The following OLIG3 variants were observed in gnomAD, a reference collection of about 807,000 sequenced individuals.
The protein encoded by OLIG3 is oligodendrocyte transcription factor 3, also known as class B basic helix-loop-helix protein 7.
OLIG3 carries 12 observed loss-of-function variants against 14.7 expected under a neutral mutation model. The ratio of observed to expected loss-of-function variants is 0.82; its 90% CI spans 0.52 to 1.32. OLIG3 has a LOEUF of 1.32. OLIG3 is among the 40% of genes most tolerant of loss of function. The pLI is 0.00. For synonymous variants in OLIG3, 192 were observed against 171.4 expected (o/e 1.12, Z -0.94); for missense variants, 405 against 373.7 (o/e 1.08, Z -0.69).
chr6:137,494,289 G>C lies in OLIG3; in HGVS notation c.-119C>G, dbSNP rs73570108. Reference sequence around the variant, plus strand: ...GGAACCCACTTCTCCGCGGCAAGACGTGAGAAGAAAAGCGGAGACGCTGCT... The same window carrying C: ...GGAACCCACTTCTCCGCGGCAAGACCTGAGAAGAAAAGCGGAGACGCTGCT... On this transcript the variant is annotated 5_prime_UTR_variant, in exon 1 of 1. Coordinates refer to ENST00000367734, the MANE Select transcript of OLIG3 (RefSeq NM_175747.2). The C allele has an allele frequency of 5.7e-6, 5 of 872,048 alleles. No homozygotes were observed. In the East Asian group the frequency reaches 1.0e-4, roughly 18 times the overall value. The allele number at this position is 872,048 out of a possible 1,614,324, so 54.0% of individuals were successfully genotyped here. A position where few individuals can be genotyped will look rare whatever the true frequency, so the allele number is the denominator to read the frequency against.
rs1783130133 is a variant in OLIG3, at chr6:137,492,503, GAAGGTTCCGAATA to G, written c.*836_*848del. On this transcript the variant is annotated 3_prime_UTR_variant, in exon 1 of 1. Coordinates refer to ENST00000367734, the MANE Select transcript of OLIG3 (RefSeq NM_175747.2). ...CAATAGCGGCCCCAGAACAGCAAAGGAAGGTTCCGAATAAAGTTTGAAGGGGGTGGGGGTGGGA... is the reference window on the plus strand; with the variant it reads ...CAATAGCGGCCCCAGAACAGCAAAGGAAGTTTGAAGGGGGTGGGGGTGGGA... 1 of 147,690 alleles carries G rather than the reference GAAGGTTCCGAATA, an allele frequency of 6.8e-6. No individual in the cohort carries two copies. The highest frequency in any genetic ancestry group is 2.1e-4 in the East Asian group (1 of 4,796). 9.1% of individuals were successfully genotyped at this position (147,690 alleles called of 1,614,324 possible).
chr6:137,493,643 G>A lies in OLIG3; in HGVS notation c.528C>T (p.Asn176=). The A allele has an allele frequency of 6.2e-7, 1 of 1,608,740 alleles. No homozygotes were observed. Among genetic ancestry groups the A allele is most frequent in the Middle Eastern group, 1.7e-4 (1 of 6,056 alleles). ...AGATGGGGTGCACCGGGTGCACGGAGTTGGCCGCGTGCGCGGGGTGGCCGG... is the reference window on the plus strand; with the variant it reads ...AGATGGGGTGCACCGGGTGCACGGAATTGGCCGCGTGCGCGGGGTGGCCGG... ...HSAGHPAHAA[N]SVHPVHPILG... The change falls in exon 1 of 1, where the codon AAC becomes AAT. Residue 176 remains asparagine (N), a synonymous_variant. Coordinates refer to ENST00000367734, the MANE Select transcript of OLIG3 (RefSeq NM_175747.2). This position sits in a 1 kb window ranked among gnomAD's most constrained non-coding sequence, Gnocchi z 6.1.
chr6:137,492,211 G>A lies in OLIG3; in HGVS notation c.*1141C>T, dbSNP rs769596014. 2 of 152,770 alleles carry A rather than the reference G, an allele frequency of 1.3e-5. No individual in the cohort carries two copies. The highest frequency in any genetic ancestry group is 1.9e-4 in the East Asian group (1 of 5,322). 9.5% of individuals were successfully genotyped at this position (152,770 alleles called of 1,614,324 possible). Reference sequence around the variant, plus strand: ...GCAAAGGCAAAGCCACGATTTAAAGGTTCTTTTTTATTTGAAATCTCATCC... The same window carrying A: ...GCAAAGGCAAAGCCACGATTTAAAGATTCTTTTTTATTTGAAATCTCATCC... On this transcript the variant is annotated 3_prime_UTR_variant, in exon 1 of 1. Transcript: ENST00000367734.
At position 137,494,251 on chromosome 6, in the gene OLIG3, T is replaced by A. The variant is rs1362108444; in HGVS notation, c.-81A>T. On this transcript the variant is annotated 5_prime_UTR_variant, in exon 1 of 1. Coordinates refer to ENST00000367734, the MANE Select transcript of OLIG3 (RefSeq NM_175747.2). ...AAAATCTTGAATTAAAAAAAAAAAA[T>A]CTGCACTGCCCAGGAACCCACTTCT... 4.0e-6 allele frequency: 4 copies of A among 990,178 alleles called. No homozygotes were observed. The highest frequency in any genetic ancestry group is 5.2e-5 in the East Asian group (2 of 38,654). The allele number at this position is 990,178 out of a possible 1,614,324, so 61.3% of individuals were successfully genotyped here.
At position 137,493,039 on chromosome 6, in the gene OLIG3, T is replaced by C. The variant is rs981452667; in HGVS notation, c.*313A>G. The stretch of plus-strand genomic sequence containing the variant: ...ACCGATCCCATCTTTATACAACAAA[T>C]GCAGTTTTGACAAGAGCATATGGCA... On this transcript the variant is annotated 3_prime_UTR_variant, in exon 1 of 1. Coordinates refer to ENST00000367734, the MANE Select transcript of OLIG3 (RefSeq NM_175747.2). The surrounding 1 kb of genome is among the most constrained non-coding windows in gnomAD (Gnocchi z 6.1). 1.5e-5 allele frequency: 5 copies of C among 330,062 alleles called. No individual in the cohort carries two copies. The highest frequency in any genetic ancestry group is 1.4e-4 in the Admixed American group (3 of 20,906). The allele number at this position is 330,062 out of a possible 1,614,324, so 20.4% of individuals were successfully genotyped here. A position where few individuals can be genotyped will look rare whatever the true frequency, so the allele number is the denominator to read the frequency against.
chr6:137,494,363 T>A lies in OLIG3; in HGVS notation c.-193A>T, dbSNP rs1783169069. 1.6e-6 allele frequency: 1 copy of A among 619,592 alleles called. No individual in the cohort carries two copies. Among genetic ancestry groups the A allele is most frequent in the Non-Finnish European group, 2.9e-6 (1 of 344,446 alleles). 38.4% of individuals were successfully genotyped at this position (619,592 alleles called of 1,614,324 possible). A position where few individuals can be genotyped will look rare whatever the true frequency, so the allele number is the denominator to read the frequency against. On this transcript the variant is annotated 5_prime_UTR_variant, in exon 1 of 1. Coordinates refer to ENST00000367734, the MANE Select transcript of OLIG3 (RefSeq NM_175747.2). ...CGCCCCTCTCTCTGGTTAGGCTGCT[T>A]CCTGGACAGCTAGTTGGTGTGTGCT...
In OLIG3 at chr6:137,492,401, G is replaced by A. The variant is rs1008299317; in HGVS notation, c.*951C>T. On this transcript the variant is annotated 3_prime_UTR_variant, in exon 1 of 1. Coordinates refer to ENST00000367734, the MANE Select transcript of OLIG3 (RefSeq NM_175747.2). ...GGATAAGTTTTCAAAGCTGATAATA[G>A]AGAGAGCCAACCCCGCATGCAGAAT... The A allele has an allele frequency of 6.6e-5, 10 of 152,616 alleles. No individual in the cohort carries two copies. The highest frequency in any genetic ancestry group is 2.4e-4 in the African/African-American group (10 of 41,416). The allele number at this position is 152,616 out of a possible 1,614,324, so 9.5% of individuals were successfully genotyped here.
chr6:137,493,461 A>G lies in OLIG3; in HGVS notation c.710T>C (p.Leu237Pro). 1 of 1,579,494 alleles carries G rather than the reference A, an allele frequency of 6.3e-7. No homozygotes were observed. The highest frequency in any genetic ancestry group is 1.1e-5 in the South Asian group (1 of 87,310). ...LGSGFQHWAG[L>P]PCPCTICQMP... Reference sequence around the variant, plus strand: ...CTGGCAGATGGTGCAGGGGCAGGGCAGACCAGCCCAGTGCTGGAAGCCGCT... The same window carrying G: ...CTGGCAGATGGTGCAGGGGCAGGGCGGACCAGCCCAGTGCTGGAAGCCGCT... The change falls in exon 1 of 1, where the codon CTG becomes CCG. Residue 237 changes from leucine to proline, a missense_variant. By Grantham distance (98) the Leu-to-Pro change is moderately conservative (BLOSUM62 -3). Coordinates refer to ENST00000367734, the MANE Select transcript of OLIG3 (RefSeq NM_175747.2). This position sits in a 1 kb window ranked among gnomAD's most constrained non-coding sequence, Gnocchi z 6.1.
Position 137,493,775 on chromosome 6 carries a change from G to A in OLIG3, c.396C>T (p.Asn132=), listed in dbSNP as rs1420349759. ...GGGAGCTGGTGAGCATGAGGATGTA[G>A]TTTCTGGCGAGCAGGAGTGTGGCGA... The part of the protein sequence containing the change: ...SKIATLLLAR[N]YILMLTSSLE... The change falls in exon 1 of 1, where the codon AAC becomes AAT. Residue 132 remains asparagine, a synonymous_variant. Transcript: ENST00000367734. The surrounding 1 kb of genome is among the most constrained non-coding windows in gnomAD (Gnocchi z 6.1). 6 of 1,614,112 alleles carry A rather than the reference G, an allele frequency of 3.7e-6. No individual in the cohort carries two copies. The highest frequency in any genetic ancestry group is 8.5e-7 in the Non-Finnish European group (1 of 1,180,062).
At position 137,493,083 on chromosome 6, in the gene OLIG3, G is replaced by C. The variant is rs1013445175; in HGVS notation, c.*269C>G. The C allele has an allele frequency of 8.7e-6, 4 of 457,984 alleles. No individual in the cohort carries two copies. Among genetic ancestry groups the C allele is most frequent in the African/African-American group, 4.2e-5 (2 of 48,082 alleles). The allele number at this position is 457,984 out of a possible 1,614,324, so 28.4% of individuals were successfully genotyped here. On this transcript the variant is annotated 3_prime_UTR_variant, in exon 1 of 1. Coordinates refer to ENST00000367734, the MANE Select transcript of OLIG3 (RefSeq NM_175747.2). The surrounding 1 kb of genome is among the most constrained non-coding windows in gnomAD (Gnocchi z 6.1). ...TATGGCAGTGAAAAATACTGGCGCG[G>C]CATGGGGAAAAGAAGCATGCATGCA...
rs1296585387 is a variant in OLIG3 at position 137,493,468 on chromosome 6, C to T, written c.703G>A (p.Ala235Thr). 3.8e-6 allele frequency: 6 copies of T among 1,577,928 alleles called. No individual in the cohort carries two copies. The highest frequency in any genetic ancestry group is 5.1e-6 in the Non-Finnish European group (6 of 1,166,998). The change falls in exon 1 of 1, where the codon GCT (alanine) becomes ACT (threonine). Residue 235 changes from alanine to threonine, a missense_variant. Coordinates refer to ENST00000367734, the MANE Select transcript of OLIG3 (RefSeq NM_175747.2). This position sits in a 1 kb window ranked among gnomAD's most constrained non-coding sequence, Gnocchi z 6.1. ...ATGGTGCAGGGGCAGGGCAGACCAG[C>T]CCAGTGCTGGAAGCCGCTGCCCAGC... Reference protein sequence around the residue: ...LQLGSGFQHWAGLPCPCTICQ... With the variant: ...LQLGSGFQHWTGLPCPCTICQ...
At position 137,492,227 on chromosome 6, in the gene OLIG3, A is replaced by C. The variant is rs1344225186; in HGVS notation, c.*1125T>G. The C allele has an allele frequency of 6.5e-6, 1 of 152,818 alleles. No individual in the cohort carries two copies. Among genetic ancestry groups the C allele is most frequent in the Admixed American group, 6.5e-5 (1 of 15,288 alleles). The allele number at this position is 152,818 out of a possible 1,614,324, so 9.5% of individuals were successfully genotyped here. ...GATTTAAAGGTTCTTTTTTATTTGA[A>C]ATCTCATCCAGAAACACTGGTTATT... On this transcript the variant is annotated 3_prime_UTR_variant, in exon 1 of 1. Coordinates refer to ENST00000367734, the MANE Select transcript of OLIG3 (RefSeq NM_175747.2).
In OLIG3 at chr6:137,493,202, T is replaced by C. The variant is rs1376144613; in HGVS notation, c.*150A>G. 3.2e-6 allele frequency: 2 copies of C among 620,044 alleles called. No individual in the cohort carries two copies. Among genetic ancestry groups the C allele is most frequent in the African/African-American group, 2.0e-5 (1 of 50,716 alleles). The allele number at this position is 620,044 out of a possible 1,614,324, so 38.4% of individuals were successfully genotyped here. ...TTCCCTCCGGGGGTCAAGTGGAGTC[T>C]GAGATCTCTCAGACAGCGTGGGAGG... On this transcript the variant is annotated 3_prime_UTR_variant, in exon 1 of 1. Transcript: ENST00000367734. The surrounding 1 kb of genome is among the most constrained non-coding windows in gnomAD (Gnocchi z 6.1).
chr6:137,493,639 C>A lies in OLIG3; in HGVS notation c.532G>T (p.Val178Leu), dbSNP rs755437837. Residue 178 changes from valine to leucine, a missense_variant, in exon 1 of 1, where the codon GTG (valine) becomes TTG (leucine). Transcript: ENST00000367734. The surrounding 1 kb of genome is among the most constrained non-coding windows in gnomAD (Gnocchi z 6.1). Reference sequence around the variant, plus strand: ...CCCAAGATGGGGTGCACCGGGTGCACGGAGTTGGCCGCGTGCGCGGGGTGG... The same window carrying A: ...CCCAAGATGGGGTGCACCGGGTGCAAGGAGTTGGCCGCGTGCGCGGGGTGG... ...AGHPAHAANSVHPVHPILGGA... is the reference protein window; with the variant it reads ...AGHPAHAANSLHPVHPILGGA... The A allele has an allele frequency of 9.9e-6, 16 of 1,608,222 alleles. No individual in the cohort carries two copies. Among genetic ancestry groups the A allele is most frequent in the Admixed American group, 1.7e-5 (1 of 59,918 alleles).
rs555751115 is a variant in OLIG3, at chr6:137,492,650, C to T, written c.*702G>A. 13 of 152,800 alleles carry T rather than the reference C, an allele frequency of 8.5e-5. No individual in the cohort carries two copies. The highest frequency in any genetic ancestry group is 3.1e-4 in the African/African-American group (13 of 41,548). The allele number at this position is 152,800 out of a possible 1,614,324, so 9.5% of individuals were successfully genotyped here. ...ACTTGGGATAATTCACTAATAAATC[C>T]TTGTTACAAGGAAAACGGCACCACA... On this transcript the variant is annotated 3_prime_UTR_variant, in exon 1 of 1. Transcript: ENST00000367734.
In OLIG3 at chr6:137,493,701, G is replaced by C. The variant is rs201136927; in HGVS notation, c.470C>G (p.Ser157Trp). 10 of 1,612,810 alleles carry C rather than the reference G, an allele frequency of 6.2e-6. No homozygotes were observed. In the South Asian group the frequency reaches 9.9e-5, roughly 16 times the overall value. ...LVGEIYGGHH[S>W]AFHCGTVGHS... ...GCCCACGGTCCCGCAGTGAAAGGCCGAGTGGTGGCCCCCATAGATCTCGCC... is the reference window on the plus strand; with the variant it reads ...GCCCACGGTCCCGCAGTGAAAGGCCCAGTGGTGGCCCCCATAGATCTCGCC... Residue 157 changes from serine to tryptophan, a missense_variant, in exon 1 of 1, where the codon TCG becomes TGG. This residue lies in a region of OLIG3 where 230 missense variants were observed against 178.5 expected (regional missense o/e 1.29). Transcript: ENST00000367734. The surrounding 1 kb of genome is among the most constrained non-coding windows in gnomAD (Gnocchi z 6.1).
rs372735009 is a variant in OLIG3, at chr6:137,494,112, A to C, written c.59T>G (p.Met20Arg). The stretch of plus-strand genomic sequence containing the variant: ...GCGGTGGTGGTGGTCCCTCAGGTAC[A>C]TCTCATCCATGTCCGGAGATGAAGC... ...SRASSPDMDEMYLRDHHHRHH... is the reference protein window; with the variant it reads ...SRASSPDMDERYLRDHHHRHH... Residue 20 changes from methionine (M) to arginine (R), a missense_variant, in exon 1 of 1, where the codon ATG becomes AGG. Physicochemically the swap from Met to Arg is moderately conservative, Grantham distance 91 (BLOSUM62 -1). Around this residue, in one of 3 missense-constraint regions of OLIG3, gnomAD observed 165 missense variants for 165.5 expected, o/e 1.00. Coordinates refer to ENST00000367734, the MANE Select transcript of OLIG3 (RefSeq NM_175747.2). The C allele has an allele frequency of 6.8e-6, 11 of 1,613,264 alleles. No homozygotes were observed. The African/African-American group carries it at 8.0e-5, about 12-fold the overall frequency.
In OLIG3 at chr6:137,493,206, A is replaced by C; in HGVS notation, c.*146T>G. ...CTCCGGGGGTCAAGTGGAGTCTGAGATCTCTCAGACAGCGTGGGAGGCTGC... is the reference window on the plus strand; with the variant it reads ...CTCCGGGGGTCAAGTGGAGTCTGAGCTCTCTCAGACAGCGTGGGAGGCTGC... On this transcript the variant is annotated 3_prime_UTR_variant, in exon 1 of 1. Transcript: ENST00000367734. The surrounding 1 kb of genome is among the most constrained non-coding windows in gnomAD (Gnocchi z 6.1). 1 of 622,314 alleles carries C rather than the reference A, an allele frequency of 1.6e-6. No homozygotes were observed. Among genetic ancestry groups the C allele is most frequent in the Non-Finnish European group, 2.6e-6 (1 of 388,216 alleles). 38.5% of individuals were successfully genotyped at this position (622,314 alleles called of 1,614,324 possible). A position where few individuals can be genotyped will look rare whatever the true frequency, so the allele number is the denominator to read the frequency against.
In OLIG3 at chr6:137,493,283, C is replaced by A; in HGVS notation, c.*69G>T. The A allele has an allele frequency of 7.5e-7, 1 of 1,336,454 alleles. No individual in the cohort carries two copies. Among genetic ancestry groups the A allele is most frequent in the Non-Finnish European group, 9.9e-7 (1 of 1,011,882 alleles). 82.8% of individuals were successfully genotyped at this position (1,336,454 alleles called of 1,614,324 possible). On this transcript the variant is annotated 3_prime_UTR_variant, in exon 1 of 1. Coordinates refer to ENST00000367734, the MANE Select transcript of OLIG3 (RefSeq NM_175747.2). The surrounding 1 kb of genome is among the most constrained non-coding windows in gnomAD (Gnocchi z 6.1). ...GCCGAGCGTGCAGCCTCCCTCTTCC[C>A]TCCCGGCCCGGCACCGCGGCCCCTC...
Sources: allele counts gnomAD v4.1 joint callset, GRCh38; gene constraint gnomAD v4.1.1; regional missense constraint gnomAD v4.1.1; non-coding constraint Gnocchi (gnomAD v3.1); transcripts MANE v1.5; gene names NCBI Gene and HGNC (gene_info 2026-07-23, HGNC 2026-07-21).